The following KCND2 variants were observed in gnomAD, a reference collection of about 807,000 sequenced individuals.
KCND2 encodes the protein potassium voltage-gated channel subfamily D member 2.
Under a neutral mutation model 54.4 loss-of-function variants are expected in KCND2, and 16 were observed. The ratio of observed to expected loss-of-function variants is 0.29; its 90% CI spans 0.20 to 0.45. The LOEUF (loss-of-function observed/expected upper bound fraction) is 0.45. Ranked by LOEUF, KCND2 falls within the 20% of genes least tolerant of loss-of-function variation. The pLI is 1.00. For missense variants in KCND2, 486 were observed against 824.2 expected (o/e 0.59, Z 5.02); for synonymous variants, 317 against 310.7 (o/e 1.02, Z -0.21).
At chr7:120,554,277 T>A (rs776200205) in intron 1 of KCND2, among the ~76,000 whole-genome samples, 4 of 152,278 alleles carry the variant, frequency 2.6e-5, no homozygotes, top group South Asian at 4.1e-4. Flanking sequence ...CCATTTCAAG[T>A]ATAGGTTAGA....
rs35589294 is a variant in KCND2 at position 120,698,022 on chromosome 7, C to CTTTTTTTTTTT, written c.1116-34868_1116-34858dup. Among the ~76,000 whole-genome samples, 48 of 85,602 alleles carry CTTTTTTTTTTT rather than the reference C, an allele frequency of 5.6e-4. 1 individual carries two copies. Among genetic ancestry groups the CTTTTTTTTTTT allele is most frequent in the African/African-American group, 7.3e-4 (15 of 20,570 alleles). The allele number at this position is 85,602 out of a possible 152,430, so 56.2% of individuals were successfully genotyped here. The stretch of plus-strand genomic sequence containing the variant: ...GCATATTTGGATATATAGATTTGCC[C>CTTTTTTTTTTT]TTTTTTTTTTTTTTTTTTTTTTTGG... On this transcript the variant is annotated intron_variant, in intron 1 of 5. Coordinates refer to ENST00000331113, the MANE Select transcript of KCND2 (RefSeq NM_012281.3).
chr7:120,491,889 A>T (rs950437395), intron 1 of KCND2, among the ~76,000 whole-genome samples: 2 of 152,128 alleles, frequency 1.3e-5, no homozygotes, highest in Non-Finnish European at 2.9e-5. Context: ...GATATCTAGA[A>T]TGTAAAGAGA....
intron 1 of KCND2, among the ~76,000 whole-genome samples, chr7:120,403,243 TAAG>T (rs1006888335): frequency 1.2e-4 from 18 of 152,038 alleles, no homozygotes; most frequent in South Asian, 2.1e-4. Context: ...CTCTGCCAGC[TAAG>T]AAGATGTCTG....
intron 1 of KCND2, among the ~76,000 whole-genome samples, chr7:120,382,410 A>T (rs1800927959): frequency 6.6e-6 from 1 of 151,952 alleles, no homozygotes; most frequent in South Asian, 2.1e-4. Flanking sequence ...TTCATTATAG[A>T]ATAATTCTAA....
chr7:120,561,864 G>A (rs1792239299), intron 1 of KCND2, among the ~76,000 whole-genome samples: 1 of 151,896 alleles, frequency 6.6e-6, no homozygotes, highest in Non-Finnish European at 1.5e-5. Context: ...CACCTGCCTC[G>A]GCCTCCCAAA....
chr7:120,615,219 A>C (rs1292466268), intron 1 of KCND2, among the ~76,000 whole-genome samples: 1 of 152,146 alleles, frequency 6.6e-6, no homozygotes, highest in African/African-American at 2.4e-5. Context: ...TTTTATTCAG[A>C]AATCTGTACA....
intron 1 of KCND2, among the ~76,000 whole-genome samples, chr7:120,385,520 A>G (rs890703342): frequency 1.3e-5 from 2 of 152,118 alleles, no homozygotes; most frequent in African/African-American, 4.8e-5. Flanking sequence ...TAAATAGATG[A>G]ATGCTGAAAA....
rs118131251 is a variant in KCND2, at chr7:120,565,206, C to T, written c.1116-167697C>T. ...TGAAAGGCACATGAGAAGAGCTGTT[C>T]TGCCATGCTTTTCTGTGACCTTAGG... On this transcript the variant is annotated intron_variant, in intron 1 of 5. Transcript: ENST00000331113. Among the ~76,000 whole-genome samples the T allele has an allele frequency of 9.7e-3, 1,478 of 152,310 alleles. 12 individuals carry two copies. The highest frequency in any genetic ancestry group is 0.017 in the Non-Finnish European group (1,152 of 68,028).
At chr7:120,396,079 C>T (rs144089928) in intron 1 of KCND2, among the ~76,000 whole-genome samples, 1 of 144,544 alleles carries the variant, frequency 6.9e-6, no homozygotes, top group Admixed American at 6.7e-5. Context: ...AATAGCTGAA[C>T]TTTTAAATAA....
At chr7:120,410,149 T>C (rs1402605481) in intron 1 of KCND2, among the ~76,000 whole-genome samples, 1 of 151,924 alleles carries the variant, frequency 6.6e-6, no homozygotes, top group Non-Finnish European at 1.5e-5. Flanking sequence ...AAAGATCATC[T>C]TTTTTTATTA....
intron 1 of KCND2, among the ~76,000 whole-genome samples, chr7:120,729,463 G>A (rs1247309116): frequency 6.6e-6 from 1 of 152,156 alleles, no homozygotes; most frequent in Non-Finnish European, 1.5e-5. Flanking sequence ...GTGTTCCATG[G>A]GAACCAGCCA....
Position 120,280,702 on chromosome 7 carries a change from T to A in KCND2, c.1115+4955T>A, listed in dbSNP as rs536016662. The stretch of plus-strand genomic sequence containing the variant: ...TTAATAATTTTGTTCATTTAAGAAT[T>A]GTGTGGCTTGTCCATAGTTACATAA... On this transcript the variant is annotated intron_variant, in intron 1 of 5. Transcript: ENST00000331113. Among the ~76,000 whole-genome samples, 4 of 151,996 alleles carry A rather than the reference T, an allele frequency of 2.6e-5. No individual in the cohort carries two copies. The South Asian group carries it at 6.2e-4, about 24-fold the overall frequency.
chr7:120,657,886 A>G (rs1584872259), intron 1 of KCND2, among the ~76,000 whole-genome samples: 1 of 151,798 alleles, frequency 6.6e-6, no homozygotes, highest in African/African-American at 2.4e-5. Flanking sequence ...CTCTTAATTT[A>G]TGTCATTTAT....
At chr7:120,477,328 A>C (rs1410609495) in intron 1 of KCND2, among the ~76,000 whole-genome samples, 2 of 152,148 alleles carry the variant, frequency 1.3e-5, no homozygotes, top group Non-Finnish European at 2.9e-5. Context: ...CAGTCGTCAC[A>C]AACATACCAC....
chr7:120,396,667 G>A (rs773533352), intron 1 of KCND2, among the ~76,000 whole-genome samples: 1 of 151,674 alleles, frequency 6.6e-6, no homozygotes, highest in Non-Finnish European at 1.5e-5. Context: ...GTTTAAATGT[G>A]TGTGTGTGTG....
At chr7:120,534,892 T>G (rs1791886163) in intron 1 of KCND2, among the ~76,000 whole-genome samples, 1 of 152,176 alleles carries the variant, frequency 6.6e-6, no homozygotes, top group African/African-American at 2.4e-5. Context: ...GAAATAATTT[T>G]GACATTTTGT....
intron 1 of KCND2, among the ~76,000 whole-genome samples, chr7:120,364,683 G>A (rs1800642150): frequency 6.6e-6 from 1 of 152,060 alleles, no homozygotes; most frequent in South Asian, 2.1e-4. Context: ...TCAAGGGTAA[G>A]GAGGATTCTG....
intron 1 of KCND2, among the ~76,000 whole-genome samples, chr7:120,713,084 G>A (rs1352682628): frequency 3.3e-5 from 5 of 152,070 alleles, no homozygotes; most frequent in Non-Finnish European, 5.9e-5. Context: ...AATATTAATA[G>A]CCACCTCATT....
At chr7:120,449,818 A>C (rs1359085662) in intron 1 of KCND2, among the ~76,000 whole-genome samples, 1 of 152,238 alleles carries the variant, frequency 6.6e-6, no homozygotes, top group Non-Finnish European at 1.5e-5. Flanking sequence ...TCAAATACAA[A>C]TCTTTAATGA....
Sources: gnomAD v4.1 joint callset for allele counts (sites outside exome capture counted in the v4.1 genomes callset) on GRCh38, gnomAD v4.1.1 for gene constraint, MANE v1.5 for transcripts, NCBI Gene and HGNC (gene_info 2026-07-23, HGNC 2026-07-21) for gene names.